The following SYN3 variants were observed in gnomAD, a reference collection of about 807,000 sequenced individuals.
SYN3 encodes the protein synapsin-3.
In SYN3, 35 loss-of-function variants were observed where a neutral mutation model predicts 65.8. The observed-to-expected ratio is 0.53, with a 90% CI of 0.41 to 0.70. SYN3 has a LOEUF of 0.70. Ranked by LOEUF, SYN3 falls within the 30% of genes least tolerant of loss-of-function variation. SYN3 has a pLI of 0.00. For missense variants in SYN3, 680 were observed against 749.0 expected (o/e 0.91, Z 1.08); for synonymous variants, 270 against 292.9 (o/e 0.92, Z 0.80).
intron 6 of SYN3, among the ~76,000 whole-genome samples, chr22:32,851,142 C>T (rs938031422): frequency 3.9e-5 from 6 of 152,092 alleles, no homozygotes; most frequent in African/African-American, 1.2e-4. Flanking sequence ...GCAACAACAA[C>T]GCAAAAAGCC....
intron 1 of SYN3, among the ~76,000 whole-genome samples, chr22:33,025,282 C>T (rs899297411): frequency 3.3e-5 from 5 of 151,578 alleles, no homozygotes; most frequent in South Asian, 2.1e-4. Context: ...GGTAAAACCC[C>T]GTCTCTACTA....
At chr22:33,039,108 G>T (rs1225378022) in intron 1 of SYN3, among the ~76,000 whole-genome samples, 1 of 152,174 alleles carries the variant, frequency 6.6e-6, no homozygotes, top group African/African-American at 2.4e-5. Context: ...CAAGGACTCT[G>T]TGCACCAGGC....
At chr22:32,794,451 T>C (rs189459681) in intron 6 of SYN3, among the ~76,000 whole-genome samples, 8 of 152,322 alleles carry the variant, frequency 5.3e-5, no homozygotes, top group Non-Finnish European at 1.0e-4. Flanking sequence ...GTTGAGTTTC[T>C]GGACCCAAGG....
chr22:32,645,280 C>G (rs1030695991), intron 6 of SYN3, among the ~76,000 whole-genome samples: 1 of 151,962 alleles, frequency 6.6e-6, no homozygotes, highest in African/African-American at 2.4e-5. Flanking sequence ...GGAGAAACCC[C>G]GTCTCTACTA....
intron 6 of SYN3, chr22:32,849,329 G>T: frequency 1.3e-6 from 1 of 781,168 alleles, no homozygotes; most frequent in Admixed American, 2.0e-5. Flanking sequence ...ATCTATTCCA[G>T]TTGGCTCCAA....
chr22:32,980,311 C>T (rs1370234835), intron 3 of SYN3, among the ~76,000 whole-genome samples: 1 of 152,174 alleles, frequency 6.6e-6, no homozygotes, highest in Non-Finnish European at 1.5e-5. Context: ...CAAGGAGATG[C>T]CCCAGGGGCC....
chr22:32,734,539 C>T (rs1199463641), intron 6 of SYN3, among the ~76,000 whole-genome samples: 4 of 81,830 alleles, frequency 4.9e-5, no homozygotes, highest in South Asian at 8.8e-4. Flanking sequence ...ACAGACATCG[C>T]CCTGGGAGGA....
Position 32,849,612 on chromosome 22 carries a change from T to G in SYN3, c.711+15303A>C, listed in dbSNP as rs2048163224. On this transcript the variant is annotated intron_variant, in intron 6 of 13. Transcript: ENST00000358763. ...AGAGTCCTGGCTAAGGGAGGCAAAG[T>G]GGGTTGGAACTGGGGTGTGTGTCTA... The G allele has an allele frequency of 3.7e-6, 5 of 1,336,364 alleles. No individual in the cohort carries two copies. The African/African-American group carries it at 4.3e-5, about 12-fold the overall frequency. 82.8% of individuals were successfully genotyped at this position (1,336,364 alleles called of 1,614,324 possible).
chr22:32,549,561 A>C (rs577094125), intron 7 of SYN3, among the ~76,000 whole-genome samples: 1 of 152,182 alleles, frequency 6.6e-6, no homozygotes, highest in Non-Finnish European at 1.5e-5. Context: ...CCAACATGCA[A>C]ACTTTTATCA....
At chr22:32,754,110 C>T (rs2145673709) in intron 6 of SYN3, among the ~76,000 whole-genome samples, 1 of 152,100 alleles carries the variant, frequency 6.6e-6, no homozygotes, top group Non-Finnish European at 1.5e-5. Context: ...GGAATGTGCT[C>T]CTCATCTCTT....
chr22:32,859,489 A>G, intron 6 of SYN3: 2 of 1,332,292 alleles, frequency 1.5e-6, no homozygotes, highest in Non-Finnish European at 2.0e-6. Flanking sequence ...TTGCAAATTT[A>G]GCACTTGGAA....
chr22:32,560,212 CA>C (rs2058567457), intron 7 of SYN3, among the ~76,000 whole-genome samples: 1 of 152,234 alleles, frequency 6.6e-6, no homozygotes, highest in East Asian at 1.9e-4. Flanking sequence ...GGCCCTCTTC[CA>C]AGTGTACTTT....
At chr22:32,529,445 C>T (rs1376706463) in intron 10 of SYN3, among the ~76,000 whole-genome samples, 3 of 152,098 alleles carry the variant, frequency 2.0e-5, no homozygotes, top group Non-Finnish European at 2.9e-5. Flanking sequence ...AAATATGACG[C>T]GGGCTGGAGT....
intron 6 of SYN3, among the ~76,000 whole-genome samples, chr22:32,639,859 T>A (rs1481788028): frequency 6.6e-6 from 1 of 152,166 alleles, no homozygotes; most frequent in Non-Finnish European, 1.5e-5. Context: ...CTTGGATGAG[T>A]GCTGTTGTCA....
intron 6 of SYN3, among the ~76,000 whole-genome samples, chr22:32,722,082 C>T (rs1274496773): frequency 3.3e-5 from 5 of 151,982 alleles, no homozygotes; most frequent in South Asian, 2.1e-4. Context: ...TGAGGCCAGA[C>T]GGTTCAATGC....
At chr22:32,689,912 C>T (rs1204538118) in intron 6 of SYN3, among the ~76,000 whole-genome samples, 1 of 152,134 alleles carries the variant, frequency 6.6e-6, no homozygotes, top group Non-Finnish European at 1.5e-5. Context: ...TGTGGTGGCT[C>T]AGCCTGTAAT....
At chr22:32,842,280 T>C (rs190840650) in intron 6 of SYN3, among the ~76,000 whole-genome samples, 278 of 152,268 alleles carry the variant, frequency 1.8e-3, no homozygotes, top group Non-Finnish European at 3.2e-3. Context: ...AGGGTTTTTT[T>C]GGGAGTTGGG....
intron 6 of SYN3, among the ~76,000 whole-genome samples, chr22:32,817,732 G>C (rs2047124991): frequency 6.6e-6 from 1 of 152,158 alleles, no homozygotes; most frequent in South Asian, 2.1e-4. Context: ...TAAATCCTAG[G>C]ATCTTGTTTA....
intron 6 of SYN3, among the ~76,000 whole-genome samples, chr22:32,748,274 G>T (rs923650245): frequency 2.0e-5 from 3 of 152,168 alleles, no homozygotes; most frequent in Admixed American, 2.0e-4. Context: ...TTCAAGAGAG[G>T]GTGGCCCAGG....
Sources: gnomAD v4.1 joint callset for allele counts (sites outside exome capture counted in the v4.1 genomes callset) on GRCh38, gnomAD v4.1.1 for gene constraint, MANE v1.5 for transcripts, NCBI Gene and HGNC (gene_info 2026-07-23, HGNC 2026-07-21) for gene names.